The following PCDHGB2 variants were observed in gnomAD, a reference collection of about 807,000 sequenced individuals.
The protein encoded by PCDHGB2 is protocadherin gamma subfamily B, 2, also known as protocadherin gamma-B2.
PCDHGB2 carries 55 observed loss-of-function variants against 59.3 expected under a neutral mutation model. The observed-to-expected ratio is 0.93, with a 90% CI of 0.75 to 1.16. PCDHGB2 has a LOEUF of 1.16. Among genes scored for constraint, PCDHGB2 ranks in the 50% most tolerant of loss-of-function variants. The pLI is 0.00. For synonymous variants in PCDHGB2, 516 were observed against 512.0 expected (o/e 1.01, Z -0.11); for missense variants, 1,228 against 1,198.5 (o/e 1.02, Z -0.36).
rs770468191 is a variant in PCDHGB2, at chr5:141,478,296, A to G, written c.2422-16511A>G. On this transcript the variant is annotated intron_variant, in intron 1 of 3. Coordinates refer to ENST00000522605, the MANE Select transcript of PCDHGB2 (RefSeq NM_018923.3). ...AAGTGGAAGCAGTCTAGAGACCTAT[A>G]CCGAGCCCCGGTGAGCTCACTGTAC... is the stretch of plus-strand genomic sequence containing the variant. The G allele has an allele frequency of 9.3e-6, 15 of 1,613,962 alleles. No individual in the cohort carries two copies. Among genetic ancestry groups the G allele is most frequent in the African/African-American group, 6.7e-5 (5 of 74,930 alleles).
chr5:141,421,578 T>G, intron 1 of PCDHGB2: 1 of 1,613,886 alleles, frequency 6.2e-7, no homozygotes, highest in Non-Finnish European at 8.5e-7. Flanking sequence ...CCTTGAAGAT[T>G]TACGGAGTGG....
chr5:141,478,378 G>C, intron 1 of PCDHGB2: 1 of 1,613,558 alleles, frequency 6.2e-7, no homozygotes, highest in Non-Finnish European at 8.5e-7. Flanking sequence ...TGATGTCGCC[G>C]CACCTTTACC....
At chr5:141,430,484 C>T (rs894612928) in intron 1 of PCDHGB2, 2 of 256,238 alleles carry the variant, frequency 7.8e-6, no homozygotes, top group African/African-American at 4.4e-5. Context: ...GATATAAAAA[C>T]GAAATATCCT....
chr5:141,362,450 C>T lies in PCDHGB2; in HGVS notation c.2315C>T (p.Pro772Leu), dbSNP rs766571642. 2 of 1,614,050 alleles carry T rather than the reference C, an allele frequency of 1.2e-6. No individual in the cohort carries two copies. The highest frequency in any genetic ancestry group is 1.7e-6 in the Non-Finnish European group (2 of 1,179,898). The change falls in exon 1 of 4, where the codon CCG becomes CTG. Residue 772 changes from proline to leucine, a missense_variant. Pro to Leu is a moderately conservative substitution (Grantham distance 98, BLOSUM62 -3). Transcript: ENST00000522605. ...GAGTTCAATTTTCTGAACATAACCC[C>T]GGAATTGGTTCCCGCGCAAGATCTC... ...KTEFNFLNIT[P>L]ELVPAQDLVC...
chr5:141,410,530 T>C (rs1400165380), intron 1 of PCDHGB2: 1 of 1,613,956 alleles, frequency 6.2e-7, no homozygotes, highest in South Asian at 1.1e-5. Context: ...TACATTCCAA[T>C]GAAGACATGG....
intron 1 of PCDHGB2, chr5:141,395,911 T>C (rs964928270): frequency 2.6e-5 from 4 of 152,144 alleles, no homozygotes; most frequent in African/African-American, 9.7e-5. Flanking sequence ...CATGGAGACA[T>C]GAAATCTAAA....
At chr5:141,420,101 T>C (rs1160215468) in intron 1 of PCDHGB2, 1 of 1,613,928 alleles carries the variant, frequency 6.2e-7, no homozygotes, top group Non-Finnish European at 8.5e-7. Flanking sequence ...TGAGGGAACG[T>C]TGCCCTATGC....
In PCDHGB2 at chr5:141,379,889, C is replaced by CTTTTTTTTT. The variant is rs70988800; in HGVS notation, c.2421+17355_2421+17363dup. ...CTTATTTTATGGTCTGTGAAAGCCT[C>CTTTTTTTTT]TTTTTTTTTTTTTTTTTTTTTTTTT... is the stretch of plus-strand genomic sequence containing the variant. On this transcript the variant is annotated intron_variant, in intron 1 of 3. Transcript: ENST00000522605. Among the ~76,000 whole-genome samples the CTTTTTTTTT allele has an allele frequency of 5.8e-3, 297 of 50,818 alleles. 50 individuals are homozygous for CTTTTTTTTT. Among genetic ancestry groups the CTTTTTTTTT allele is most frequent in the African/African-American group, 9.2e-3 (138 of 15,074 alleles). The allele number at this position is 50,818 out of a possible 152,430, so 33.3% of individuals were successfully genotyped here.
chr5:141,428,106 C>T, intron 1 of PCDHGB2: 1 of 1,608,152 alleles, frequency 6.2e-7, no homozygotes. Context: ...CCACGTGCTG[C>T]AGGCCATCGA....
At chr5:141,372,628 A>G (rs1561557041) in intron 1 of PCDHGB2, 5 of 1,614,014 alleles carry the variant, frequency 3.1e-6, no homozygotes, top group Non-Finnish European at 4.2e-6. Flanking sequence ...ACCTACAGCG[A>G]AAGGACTTTG....
intron 1 of PCDHGB2, chr5:141,374,129 C>A: frequency 6.2e-7 from 1 of 1,603,566 alleles, no homozygotes; most frequent in South Asian, 1.1e-5. Flanking sequence ...GCAGGTCCTG[C>A]TCCTCACGCT....
At chr5:141,414,533 C>A in intron 1 of PCDHGB2, 1 of 1,613,960 alleles carries the variant, frequency 6.2e-7, no homozygotes, top group Non-Finnish European at 8.5e-7. Context: ...AATGACAACC[C>A]ACCTACCTTC....
At chr5:141,499,343 G>C (rs1184175548) in intron 2 of PCDHGB2, among the ~76,000 whole-genome samples, 1 of 152,146 alleles carries the variant, frequency 6.6e-6, no homozygotes, top group Non-Finnish European at 1.5e-5. Context: ...AGTTTGGGCA[G>C]TCATTCAACA....
chr5:141,439,756 G>A (rs74623862), intron 1 of PCDHGB2: 30 of 152,422 alleles, frequency 2.0e-4, no homozygotes, highest in African/African-American at 7.0e-4. Context: ...CAGGCAATGA[G>A]TTCAGCTCCT....
In PCDHGB2 at chr5:141,361,967, C is replaced by T; in HGVS notation, c.1832C>T (p.Ala611Val). The T allele has an allele frequency of 6.2e-7, 1 of 1,601,694 alleles. No homozygotes were observed. Among genetic ancestry groups the T allele is most frequent in the Admixed American group, 1.7e-5 (1 of 59,418 alleles). Residue 611 changes from alanine (A) to valine (V), a missense_variant, in exon 1 of 4, where the codon GCC becomes GTC. Around this residue, in one of 3 missense-constraint regions of PCDHGB2, gnomAD observed 433 missense variants for 441.8 expected, o/e 0.98. Transcript: ENST00000522605. ...NAWLSYHVLQ[A>V]SEPGLFSLGL... ...TGGCTGTCCTACCACGTGCTGCAGG[C>T]CAGCGAGCCCGGGCTCTTCAGCCTG...
intron 1 of PCDHGB2, among the ~76,000 whole-genome samples, chr5:141,483,644 G>A (rs2099584188): frequency 6.8e-6 from 1 of 146,522 alleles, no homozygotes; most frequent in African/African-American, 2.7e-5. Context: ...AGAGGGGTGT[G>A]TGTTTGTGTG....
At chr5:141,409,515 T>G (rs1273041163) in intron 1 of PCDHGB2, 1 of 1,613,844 alleles carries the variant, frequency 6.2e-7, no homozygotes, top group Non-Finnish European at 8.5e-7. Context: ...AGTAGAAGCA[T>G]CACCTTGTAT....
chr5:141,476,054 A>T lies in PCDHGB2; in HGVS notation c.2422-18753A>T. The T allele has an allele frequency of 3.3e-6, 5 of 1,504,982 alleles. No homozygotes were observed. The highest frequency in any genetic ancestry group is 4.4e-6 in the Non-Finnish European group (5 of 1,134,040). 93.2% of individuals were successfully genotyped at this position (1,504,982 alleles called of 1,614,324 possible). A position where few individuals can be genotyped will look rare whatever the true frequency, so the allele number is the denominator to read the frequency against. ...AGCGCCCAAGCGCTAACCCGCTGAA[A>T]GTTTCTCAGCGAAATCTCAGGGACG... On this transcript the variant is annotated intron_variant, in intron 1 of 3. Coordinates refer to ENST00000522605, the MANE Select transcript of PCDHGB2 (RefSeq NM_018923.3). The surrounding 1 kb of genome is among the most constrained non-coding windows in gnomAD (Gnocchi z 7.6).
At chr5:141,468,154 G>A (rs1374898668) in intron 1 of PCDHGB2, among the ~76,000 whole-genome samples, 2 of 151,838 alleles carry the variant, frequency 1.3e-5, no homozygotes, top group African/African-American at 2.4e-5. Flanking sequence ...GTGAAACCCT[G>A]TCTCTGCTAA....
Sources: allele counts gnomAD v4.1 joint callset (sites outside exome capture counted in the v4.1 genomes callset), GRCh38; gene constraint gnomAD v4.1.1; regional missense constraint gnomAD v4.1.1; non-coding constraint Gnocchi (gnomAD v3.1); transcripts MANE v1.5; gene names NCBI Gene and HGNC (gene_info 2026-07-23, HGNC 2026-07-21).